FBXO15: variants seen among roughly 807,000 people sequenced by gnomAD.
FBXO15 encodes the protein F-box protein 15, also known as F-box only protein 15.
A neutral mutation model predicts 49.5 loss-of-function variants in FBXO15; 30 were observed. That is an observed-to-expected ratio of 0.61 (90% CI 0.45 to 0.82). The LOEUF is 0.82. Ranked by LOEUF, FBXO15 falls within the 40% of genes least tolerant of loss-of-function variation. The pLI is 0.00. For missense variants in FBXO15, 591 were observed against 631.5 expected, an observed-to-expected ratio of 0.94 and a Z score of 0.69; for synonymous variants, 250 against 232.7, an observed-to-expected ratio of 1.07 and a Z score of -0.68.
At chr18:74,104,794 A>G (rs1218232694) in intron 8 of FBXO15, among the ~76,000 whole-genome samples, 1 of 152,158 alleles carries the variant, frequency 6.6e-6, no homozygotes, top group Non-Finnish European at 1.5e-5. Flanking sequence ...ATCAAATATT[A>G]ATAGATCTAA....
chr18:74,131,727 T>G (rs532580938), intron 3 of FBXO15, among the ~76,000 whole-genome samples: 6 of 152,332 alleles, frequency 3.9e-5, no homozygotes, highest in African/African-American at 1.4e-4. Flanking sequence ...AGGCAAACTT[T>G]GCATTTTAAA....
intron 7 of FBXO15, among the ~76,000 whole-genome samples, chr18:74,124,118 C>T (rs865976429): frequency 7.2e-5 from 11 of 152,086 alleles, no homozygotes; most frequent in African/African-American, 2.7e-4. Flanking sequence ...CTGTCCAGAC[C>T]GGACAGAATC....
chr18:74,130,826 T>C, intron 3 of FBXO15, 168 bp from the exon 4 acceptor site: 2 of 721,822 alleles, frequency 2.8e-6, no homozygotes, highest in Non-Finnish European at 4.3e-6. Context: ...CAGTTTGAGA[T>C]TTAGTGTTTT....
At chr18:74,094,483 C>T (rs1016601670) in intron 8 of FBXO15, among the ~76,000 whole-genome samples, 1 of 152,166 alleles carries the variant, frequency 6.6e-6, no homozygotes, top group African/African-American at 2.4e-5. Context: ...TACAGAACCT[C>T]GAGCCAATAA....
At chr18:74,076,789 G>A (rs1912274114) in intron 9 of FBXO15, among the ~76,000 whole-genome samples, 1 of 152,120 alleles carries the variant, frequency 6.6e-6, no homozygotes, top group Non-Finnish European at 1.5e-5. Context: ...GCCTGACCTG[G>A]CCTCATCCGC....
At position 74,073,729 on chromosome 18, in the gene FBXO15, C is replaced by T. The variant is rs376147087; in HGVS notation, c.1265G>A (p.Ser422Asn). The T allele has an allele frequency of 2.2e-5, 35 of 1,608,278 alleles. No homozygotes were observed. The highest frequency in any genetic ancestry group is 3.0e-5 in the Non-Finnish European group (35 of 1,177,160). ...KTDIFDGCIK[S>N]CSMMDVTLLD... ...AAGAGTTACGTCCATCATGGAACAA[C>T]TCTGCAAAATAAACACAGATTGACA... The change falls in exon 10 of 10, where the codon AGT (serine) becomes AAT (asparagine). Residue 422 changes from serine to asparagine, a missense_variant and splice_region_variant. Coordinates refer to ENST00000419743, the MANE Select transcript of FBXO15 (RefSeq NM_001142958.2).
At chr18:74,096,056 C>T (rs927667177) in intron 8 of FBXO15, among the ~76,000 whole-genome samples, 25 of 152,164 alleles carry the variant, frequency 1.6e-4, no homozygotes, top group Admixed American at 1.1e-3. Flanking sequence ...TCCTGCAACT[C>T]ATGGTCTCCA....
intron 8 of FBXO15, among the ~76,000 whole-genome samples, chr18:74,088,873 A>G (rs1003564486): frequency 2.0e-5 from 3 of 152,166 alleles, no homozygotes; most frequent in African/African-American, 7.2e-5. Context: ...CCTGAATTTC[A>G]CTGAGCAGTG....
chr18:74,078,170 G>T (rs752345541), intron 9 of FBXO15, among the ~76,000 whole-genome samples: 10 of 152,120 alleles, frequency 6.6e-5, no homozygotes, highest in Non-Finnish European at 1.2e-4. Flanking sequence ...CAAGAGCTGG[G>T]AGCTGACTCT....
chr18:74,147,643 G>A, intron 1 of FBXO15, 27 bp downstream of exon 1: 1 of 1,382,822 alleles, frequency 7.2e-7, no homozygotes, highest in Non-Finnish European at 9.3e-7. Context: ...CCCGCCAGGG[G>A]ACCCCACCCG....
chr18:74,079,714 A>C (rs1220924367), intron 9 of FBXO15, among the ~76,000 whole-genome samples: 1 of 152,162 alleles, frequency 6.6e-6, no homozygotes, highest in Non-Finnish European at 1.5e-5. Context: ...TTGCTCTAGG[A>C]ACTCAAACTA....
chr18:74,119,780 TG>T (rs536863500), intron 8 of FBXO15, among the ~76,000 whole-genome samples: 103 of 151,740 alleles, frequency 6.8e-4, no homozygotes, highest in African/African-American at 2.2e-3. Flanking sequence ...AGAGAGGGGA[TG>T]GCAGCAGTGT....
At chr18:74,124,671 G>A (rs1405311816) in intron 6 of FBXO15, 100 bp from the exon 7 acceptor site, 1 of 989,162 alleles carries the variant, frequency 1.0e-6, no homozygotes, top group African/African-American at 1.6e-5. Context: ...TGCAGATAGA[G>A]GCACTTTCTT....
In FBXO15 at chr18:74,073,663, G is replaced by A. The variant is rs761515422; in HGVS notation, c.1331C>T (p.Pro444Leu). 73 of 1,613,998 alleles carry A rather than the reference G, an allele frequency of 4.5e-5. 1 individual carries two copies. Among genetic ancestry groups the A allele is most frequent in the Non-Finnish European group, 5.4e-5 (64 of 1,180,042 alleles). The change falls in exon 10 of 10, where the codon CCG becomes CTG. Residue 444 changes from proline (P) to leucine (L), a missense_variant. Physicochemically the swap from Pro to Leu is moderately conservative, Grantham distance 98. Transcript: ENST00000419743. ...HGKPFWCFSS[P>L]VCLRSPATPS... The stretch of plus-strand genomic sequence containing the variant: ...TGTGGCAGGCGATCTCAGGCACACC[G>A]GGGAACTGAAACACCAAAAGGGTTT...
intron 8 of FBXO15, among the ~76,000 whole-genome samples, chr18:74,122,430 C>A (rs1382459125): frequency 6.6e-6 from 1 of 152,154 alleles, no homozygotes; most frequent in Non-Finnish European, 1.5e-5. Context: ...TAGAAGTTCA[C>A]CCAGGTGATA....
rs889915307 is a variant in FBXO15 at position 74,075,075 on chromosome 18, G to A, written c.1264-1345C>T. Among the ~76,000 whole-genome samples the A allele has an allele frequency of 1.3e-5, 2 of 152,330 alleles. No individual in the cohort carries two copies. The highest frequency in any genetic ancestry group is 4.8e-5 in the African/African-American group (2 of 41,580). Reference sequence around the variant, plus strand: ...AAGCACAGCGGGAGGGCTGCACGCAGAGCTGCTGGGTGCCCATGCAGCTGC... The same window carrying A: ...AAGCACAGCGGGAGGGCTGCACGCAAAGCTGCTGGGTGCCCATGCAGCTGC... On this transcript the variant is annotated intron_variant, in intron 9 of 9. Transcript: ENST00000419743. The surrounding 1 kb of genome is among the most constrained non-coding windows in gnomAD (Gnocchi z 4.1).
intron 7 of FBXO15, among the ~76,000 whole-genome samples, chr18:74,123,814 C>T (rs990540723): frequency 3.3e-5 from 5 of 152,144 alleles, no homozygotes; most frequent in African/African-American, 1.2e-4. Flanking sequence ...ACTCTGCCCT[C>T]CGTGTTGTTC....
intron 2 of FBXO15, 140 bp from the exon 3 acceptor site, chr18:74,136,006 C>T (rs767307690): frequency 3.4e-6 from 2 of 596,016 alleles, no homozygotes; most frequent in Non-Finnish European, 5.9e-6. Flanking sequence ...GCAAACTGTA[C>T]CCTCATCTTC....
chr18:74,082,206 T>C, intron 8 of FBXO15, 155 bp from the exon 9 acceptor site: 1 of 580,286 alleles, frequency 1.7e-6, no homozygotes, highest in Non-Finnish European at 2.8e-6. Flanking sequence ...AGCCTCTGGC[T>C]TGAGGCCAGA....
Sources: allele counts gnomAD v4.1 joint callset (sites outside exome capture counted in the v4.1 genomes callset), GRCh38; gene constraint gnomAD v4.1.1; non-coding constraint Gnocchi (gnomAD v3.1); transcripts MANE v1.5; gene names NCBI Gene and HGNC (gene_info 2026-07-23, HGNC 2026-07-21).